CSMD1: variants seen among roughly 807,000 people sequenced by gnomAD.
The protein encoded by CSMD1 is CUB and Sushi multiple domains 1, also known as CUB and sushi domain-containing protein 1.
Under a neutral mutation model 417.5 loss-of-function variants are expected in CSMD1, and 213 were observed. That is an observed-to-expected ratio of 0.51 (90% CI 0.46 to 0.57). The LOEUF is 0.57. CSMD1 is among the 20% of genes least tolerant of loss of function. The pLI is 0.00. For missense variants in CSMD1, 6,923 were observed against 4,529.7 expected (o/e 1.53, Z -15.17); for synonymous variants, 2,862 against 1,736.8 (o/e 1.65, Z -16.11).
chr8:3,927,768 A>G (rs978574595), intron 5 of CSMD1, among the ~76,000 whole-genome samples: 22 of 152,218 alleles, frequency 1.4e-4, no homozygotes, highest in African/African-American at 5.1e-4. Flanking sequence ...TAAGCAGAAC[A>G]CTAAGAAAAA....
At chr8:3,610,714 T>C (rs1801849928) in intron 8 of CSMD1, among the ~76,000 whole-genome samples, 1 of 152,148 alleles carries the variant, frequency 6.6e-6, no homozygotes, top group African/African-American at 2.4e-5. Context: ...GTTCTTTCTC[T>C]TAACTCCAAT....
chr8:3,872,754 A>T (rs1265164888), intron 5 of CSMD1, among the ~76,000 whole-genome samples: 1 of 152,110 alleles, frequency 6.6e-6, no homozygotes, highest in African/African-American at 2.4e-5. Flanking sequence ...AAAACCGGAG[A>T]AATTTTTTGC....
At chr8:3,856,153 G>A (rs932683955) in intron 5 of CSMD1, among the ~76,000 whole-genome samples, 1 of 152,058 alleles carries the variant, frequency 6.6e-6, no homozygotes, top group African/African-American at 2.4e-5. Context: ...ACTGGATTGT[G>A]GAGGTGGTTT....
Position 3,926,040 on chromosome 8 carries a change from CACAA to C in CSMD1, c.818+71859_818+71862del, listed in dbSNP as rs1426200784. On this transcript the variant is annotated intron_variant, in intron 5 of 69. Coordinates refer to ENST00000635120, the MANE Select transcript of CSMD1 (RefSeq NM_033225.6). Reference sequence around the variant, plus strand: ...ACACACACACACACACACACACACACACAAACACCATATACACACACACACACAC... The same window carrying C: ...ACACACACACACACACACACACACACACACCATATACACACACACACACAC... Among the ~76,000 whole-genome samples, 12 of 103,076 alleles carry C rather than the reference CACAA, an allele frequency of 1.2e-4. 1 individual carries two copies. Among genetic ancestry groups the C allele is most frequent in the Admixed American group, 8.8e-4 (8 of 9,078 alleles). 67.6% of individuals were successfully genotyped at this position (103,076 alleles called of 152,430 possible).
intron 12 of CSMD1, among the ~76,000 whole-genome samples, chr8:3,460,696 C>T (rs1422898373): frequency 1.3e-5 from 2 of 152,158 alleles, no homozygotes; most frequent in African/African-American, 4.8e-5. Context: ...GGATCATAAA[C>T]CACCAATGTC....
intron 26 of CSMD1, among the ~76,000 whole-genome samples, chr8:3,282,988 C>T (rs1007488710): frequency 4.6e-5 from 7 of 152,120 alleles, no homozygotes; most frequent in African/African-American, 7.2e-5. Flanking sequence ...ATCCGAAGGG[C>T]ACTAAAAGGC....
chr8:3,168,729 T>C (rs1820389852), intron 37 of CSMD1, among the ~76,000 whole-genome samples: 1 of 152,144 alleles, frequency 6.6e-6, no homozygotes, highest in Non-Finnish European at 1.5e-5. Context: ...TTATTTATCA[T>C]CTGGGAAATT....
At chr8:3,269,676 C>A (rs1191079001) in intron 26 of CSMD1, among the ~76,000 whole-genome samples, 11 of 152,148 alleles carry the variant, frequency 7.2e-5, no homozygotes, top group Non-Finnish European at 1.3e-4. Flanking sequence ...GTTTATTTAA[C>A]CCCCAGAGTA....
At chr8:3,378,998 CCA>C (rs550982516) in intron 18 of CSMD1, among the ~76,000 whole-genome samples, 424 of 152,248 alleles carry the variant, frequency 2.8e-3, no homozygotes, top group Admixed American at 6.2e-3. Flanking sequence ...TTAGAAAACC[CCA>C]TTTTCTCATC....
chr8:4,641,784 G>A (rs1371152289), intron 1 of CSMD1, among the ~76,000 whole-genome samples: 3 of 151,892 alleles, frequency 2.0e-5, no homozygotes, highest in East Asian at 1.9e-4. Context: ...ACAGACATTC[G>A]GAAAATCTAG....
chr8:4,120,492 C>T (rs945773170), intron 3 of CSMD1, among the ~76,000 whole-genome samples: 1 of 152,140 alleles, frequency 6.6e-6, no homozygotes, highest in Non-Finnish European at 1.5e-5. Context: ...AGAAGAAGAA[C>T]CAGGAGATCA....
At chr8:4,443,622 A>G (rs1185159939) in intron 2 of CSMD1, among the ~76,000 whole-genome samples, 1 of 152,228 alleles carries the variant, frequency 6.6e-6, no homozygotes, top group Non-Finnish European at 1.5e-5. Flanking sequence ...CATTCAAAGA[A>G]TGTACTGGAA....
chr8:4,739,717 G>A (rs746037810), intron 1 of CSMD1, among the ~76,000 whole-genome samples: 11 of 152,078 alleles, frequency 7.2e-5, no homozygotes, highest in Non-Finnish European at 1.3e-4. Flanking sequence ...CACTTTACTA[G>A]GAGCTCGTGG....
intron 3 of CSMD1, among the ~76,000 whole-genome samples, chr8:4,397,945 A>C (rs565783646): frequency 8.0e-4 from 122 of 152,302 alleles, no homozygotes; most frequent in African/African-American, 2.7e-3. Context: ...GAGTAGGAAA[A>C]AATGGGTTGT....
intron 7 of CSMD1, among the ~76,000 whole-genome samples, chr8:3,651,278 C>T (rs181311084): frequency 6.6e-6 from 1 of 152,166 alleles, no homozygotes; most frequent in Non-Finnish European, 1.5e-5. Context: ...GATTCCATTT[C>T]ACCTTGAGTA....
intron 10 of CSMD1, among the ~76,000 whole-genome samples, chr8:3,551,909 G>C (rs1233290098): frequency 1.3e-5 from 2 of 152,144 alleles, no homozygotes; most frequent in African/African-American, 2.4e-5. Context: ...TGTGGTACCT[G>C]TGTCAGTCCA....
chr8:3,378,844 G>C (rs1220499683), intron 18 of CSMD1, among the ~76,000 whole-genome samples: 1 of 152,162 alleles, frequency 6.6e-6, no homozygotes, highest in Non-Finnish European at 1.5e-5. Flanking sequence ...CAAAAGACAA[G>C]GATGCCCTTT....
intron 3 of CSMD1, among the ~76,000 whole-genome samples, chr8:4,339,104 G>T (rs760884007): frequency 6.6e-6 from 1 of 152,188 alleles, no homozygotes; most frequent in Admixed American, 6.6e-5. Context: ...AGACAAAAGA[G>T]CTCATCTCTG....
chr8:3,212,128 T>A (rs891780741), intron 30 of CSMD1, among the ~76,000 whole-genome samples: 7 of 152,216 alleles, frequency 4.6e-5, no homozygotes, highest in Non-Finnish European at 8.8e-5. Flanking sequence ...AAAGCCACTC[T>A]GGCTCACTGC....
Sources: allele counts gnomAD v4.1 joint callset (sites outside exome capture counted in the v4.1 genomes callset), GRCh38; gene constraint gnomAD v4.1.1; transcripts MANE v1.5; gene names NCBI Gene and HGNC (gene_info 2026-07-23, HGNC 2026-07-21).